The following HSD17B12 variants were observed in gnomAD, a reference collection of about 807,000 sequenced individuals.
The protein encoded by HSD17B12 is very-long-chain 3-oxoacyl-CoA reductase.
HSD17B12 carries 32 observed loss-of-function variants against 39.3 expected under a neutral mutation model. The ratio of observed to expected loss-of-function variants is 0.81; its 90% CI spans 0.61 to 1.09. HSD17B12 has a LOEUF of 1.09. Ranked by LOEUF, HSD17B12 falls within the 50% of genes least tolerant of loss-of-function variation. The pLI is 0.00. For missense variants in HSD17B12, 342 were observed against 382.9 expected (o/e 0.89, Z 0.89); for synonymous variants, 150 against 146.7 (o/e 1.02, Z -0.16).
chr11:43,825,754 C>A (rs906875624), intron 6 of HSD17B12, among the ~76,000 whole-genome samples: 9 of 152,194 alleles, frequency 5.9e-5, no homozygotes, highest in Non-Finnish European at 1.3e-4. Flanking sequence ...CTGCTTCAGG[C>A]ATAACTACAA....
chr11:43,750,927 T>C lies in HSD17B12; in HGVS notation c.177T>C (p.Thr59=). The C allele has an allele frequency of 6.2e-7, 1 of 1,603,242 alleles. No individual in the cohort carries two copies. Among genetic ancestry groups the C allele is most frequent in the South Asian group, 1.1e-5 (1 of 89,298 alleles). The change falls in exon 2 of 11, where the codon ACT becomes ACC. Residue 59 remains threonine (T), a synonymous_variant. Coordinates refer to ENST00000278353, the MANE Select transcript of HSD17B12 (RefSeq NM_016142.3). ...LGEWAVVTGS[T]DGIGKSYAEE... ...CTTTCCCAGTTGTCACAGGTAGTACTGATGGAATTGGAAAATCATATGCAG... is the reference window on the plus strand; with the variant it reads ...CTTTCCCAGTTGTCACAGGTAGTACCGATGGAATTGGAAAATCATATGCAG...
chr11:43,699,170 A>G (rs972262811), intron 1 of HSD17B12, among the ~76,000 whole-genome samples: 4 of 152,184 alleles, frequency 2.6e-5, no homozygotes, highest in Admixed American at 2.6e-4. Context: ...ATAGCTTGAC[A>G]TAACTGTTTA....
At chr11:43,637,217 C>CTTTTTTTT in the HSD17B12 span, among the ~76,000 whole-genome samples, 2 of 109,468 alleles carry the variant, frequency 1.8e-5, no homozygotes, top group Non-Finnish European at 1.8e-5. Context: ...GGTGTTTTTC[C>CTTTTTTTT]TTTTTTTTTT....
rs529556366 is a variant in HSD17B12 at position 43,805,541 on chromosome 11, C to T, written c.391+7114C>T. 1.7e-4 allele frequency among the ~76,000 whole-genome samples: 26 copies of T among 152,240 alleles called. No homozygotes were observed. In the South Asian group the frequency reaches 3.3e-3, roughly 19 times the overall value. On this transcript the variant is annotated intron_variant, in intron 4 of 10. Transcript: ENST00000278353. ...AGTTAGAATTATTATCCCCTACTCC[C>T]GCTTTTTCTCTGTAGCCCAGTATAT... is the stretch of plus-strand genomic sequence containing the variant.
At chr11:43,610,133 G>A in the HSD17B12 span, among the ~76,000 whole-genome samples, 16 of 152,150 alleles carry the variant, frequency 1.1e-4, no homozygotes, top group East Asian at 2.9e-3. Context: ...TTCCCTTTTA[G>A]TCACTTGAAT....
chr11:43,631,969 G>A, the HSD17B12 span, among the ~76,000 whole-genome samples: 4 of 152,090 alleles, frequency 2.6e-5, no homozygotes, highest in East Asian at 7.7e-4. Context: ...GGGCTCTGGG[G>A]GCAGCTGGTC....
chr11:43,625,521 G>A, the HSD17B12 span, among the ~76,000 whole-genome samples: 3 of 151,382 alleles, frequency 2.0e-5, no homozygotes, highest in South Asian at 6.3e-4. Context: ...AGGCAGATAT[G>A]ACTAAAACAT....
intron 1 of HSD17B12, among the ~76,000 whole-genome samples, chr11:43,713,212 G>A (rs1245818185): frequency 6.6e-6 from 1 of 152,082 alleles, no homozygotes. Context: ...CATGTGCCAC[G>A]TTGGTGTGCT....
chr11:43,817,020 ATCTATATCTATATCTATATC>A (rs1397596770), intron 6 of HSD17B12, among the ~76,000 whole-genome samples: 358 of 28,274 alleles, frequency 0.013, 1 homozygote, highest in Middle Eastern at 0.023. Context: ...CTATATCTAT[ATCTATATCTATATCTATATC>A]TATATATATA....
intron 9 of HSD17B12, among the ~76,000 whole-genome samples, chr11:43,847,732 A>AAAG (rs1190858289): frequency 6.6e-6 from 1 of 151,166 alleles, no homozygotes; most frequent in African/African-American, 2.4e-5. Flanking sequence ...AAAAAAAAAA[A>AAAG]AGAGAAATCC....
the HSD17B12 span, among the ~76,000 whole-genome samples, chr11:43,662,377 T>G: frequency 8.6e-5 from 11 of 128,480 alleles, no homozygotes; most frequent in East Asian, 2.3e-4. Flanking sequence ...TTTATTTTAT[T>G]TGTGTGTGTG....
At chr11:43,587,356 C>T in the HSD17B12 span, among the ~76,000 whole-genome samples, 1 of 151,932 alleles carries the variant, frequency 6.6e-6, no homozygotes, top group African/African-American at 2.4e-5. Context: ...TTTCAGGGAG[C>T]TCAGGACATC....
intron 6 of HSD17B12, among the ~76,000 whole-genome samples, chr11:43,826,360 G>A (rs900285038): frequency 2.6e-5 from 4 of 152,026 alleles, no homozygotes; most frequent in African/African-American, 7.2e-5. Context: ...TGGGATTACA[G>A]GCATGAGCCA....
At chr11:43,593,809 G>GA in the HSD17B12 span, among the ~76,000 whole-genome samples, 142 of 151,988 alleles carry the variant, frequency 9.3e-4, 3 homozygotes, top group Admixed American at 9.2e-3. Flanking sequence ...AAAAAGGAAA[G>GA]AAAAAATCTG....
chr11:43,809,684 G>A (rs574504712), intron 4 of HSD17B12, among the ~76,000 whole-genome samples: 11 of 152,222 alleles, frequency 7.2e-5, no homozygotes, highest in Admixed American at 2.6e-4. Flanking sequence ...GCCGGTCGTG[G>A]TGGCGCATGC....
the HSD17B12 span, among the ~76,000 whole-genome samples, chr11:43,576,083 G>A: frequency 6.6e-6 from 1 of 152,144 alleles, no homozygotes; most frequent in Admixed American, 6.5e-5. Context: ...CAGCATGTAG[G>A]GAATCTGATC....
chr11:43,569,575 T>C, the HSD17B12 span: 1 of 152,192 alleles, frequency 6.6e-6, no homozygotes, highest in African/African-American at 2.4e-5. Flanking sequence ...CACCTGCTGG[T>C]AAGACTGATC....
At chr11:43,680,230 C>T (rs1192245639), upstream of HSD17B12, among the ~76,000 whole-genome samples, 1 of 151,904 alleles carries the variant, frequency 6.6e-6, no homozygotes, top group African/African-American at 2.4e-5. Flanking sequence ...CACGCCACCA[C>T]GCCCGGCTAA....
intron 1 of HSD17B12, among the ~76,000 whole-genome samples, chr11:43,710,058 G>A (rs1950050605): frequency 6.6e-6 from 1 of 152,176 alleles, no homozygotes; most frequent in Admixed American, 6.5e-5. Context: ...GTTAAAGGAG[G>A]CTTGATGGTT....
Sources: allele counts gnomAD v4.1 joint callset (sites outside exome capture counted in the v4.1 genomes callset), GRCh38; gene constraint gnomAD v4.1.1; transcripts MANE v1.5; gene names NCBI Gene and HGNC (gene_info 2026-07-23, HGNC 2026-07-21).